Variants in SPATA12 observed in about 807,000 individuals in gnomAD.
The protein encoded by SPATA12 is spermatogenesis associated 12.
For missense variants in SPATA12, 219 were observed against 226.4 expected (o/e 0.97, Z 0.21); for synonymous variants, 85 against 89.2 (o/e 0.95, Z 0.26).
chr3:57,062,475 A>C (rs967549856), intron 1 of SPATA12, among the ~76,000 whole-genome samples: 6 of 152,164 alleles, frequency 3.9e-5, no homozygotes, highest in Non-Finnish European at 8.8e-5. Flanking sequence ...GGTGCTCAGG[A>C]GCATGGGGAA....
At chr3:57,072,934 T>C (rs1311260580) in intron 1 of SPATA12, among the ~76,000 whole-genome samples, 1 of 152,004 alleles carries the variant, frequency 6.6e-6, no homozygotes, top group Non-Finnish European at 1.5e-5. Flanking sequence ...TAATCCCAGC[T>C]ACTCGGGAGG....
intron 1 of SPATA12, among the ~76,000 whole-genome samples, chr3:57,069,841 C>T (rs4681948): frequency 0.28 from 42,290 of 151,980 alleles, 6,861 homozygotes; most frequent in East Asian, 0.48. Flanking sequence ...AATAGAGTCT[C>T]GCTTTGCTGC....
chr3:57,072,774 T>G, intron 1 of SPATA12, among the ~76,000 whole-genome samples: 1 of 149,544 alleles, frequency 6.7e-6, no homozygotes, highest in Non-Finnish European at 1.5e-5. Context: ...AAGCCAGGCG[T>G]GGTGGCTCAC....
At chr3:57,063,517 A>G (rs1468159248) in intron 1 of SPATA12, among the ~76,000 whole-genome samples, 1 of 152,158 alleles carries the variant, frequency 6.6e-6, no homozygotes, top group Non-Finnish European at 1.5e-5. Context: ...CTACAAGTAG[A>G]GTCTTTTGAC....
At chr3:57,063,029 G>A (rs1213936317) in intron 1 of SPATA12, among the ~76,000 whole-genome samples, 1 of 152,172 alleles carries the variant, frequency 6.6e-6, no homozygotes, top group Non-Finnish European at 1.5e-5. Context: ...AGCAATGAAG[G>A]CAAAGGGGAA....
Position 57,073,500 on chromosome 3 carries a change from C to T in SPATA12, c.-195C>T. ...AGATGTGAACATGGGAAAACCTCTG[C>T]AGTATCTGGGTGACTGTGGGGTTTG... On this transcript the variant is annotated 5_prime_UTR_variant, in exon 2 of 2. The change creates a premature stop within an existing upstream ORF in the 5' untranslated region. Coordinates refer to ENST00000334325, the MANE Select transcript of SPATA12 (RefSeq NM_181727.2). 3.8e-6 allele frequency: 3 copies of T among 792,770 alleles called. No homozygotes were observed. The highest frequency in any genetic ancestry group is 5.7e-6 in the Non-Finnish European group (3 of 529,358). 49.1% of individuals were successfully genotyped at this position (792,770 alleles called of 1,614,324 possible).
At chr3:57,062,732 C>T (rs1213509685) in intron 1 of SPATA12, among the ~76,000 whole-genome samples, 3 of 152,088 alleles carry the variant, frequency 2.0e-5, no homozygotes, top group Non-Finnish European at 4.4e-5. Context: ...CAAACATGCA[C>T]ACACACATAC....
At chr3:57,062,177 T>C (rs1361163599) in intron 1 of SPATA12, among the ~76,000 whole-genome samples, 2 of 135,270 alleles carry the variant, frequency 1.5e-5, no homozygotes, top group African/African-American at 2.8e-5. Context: ...AGCTCAGTCA[T>C]GTGACTAGAT....
chr3:57,064,862 A>T (rs893315530), intron 1 of SPATA12, among the ~76,000 whole-genome samples: 2 of 152,236 alleles, frequency 1.3e-5, no homozygotes, highest in African/African-American at 4.8e-5. Context: ...GATTGGTTGC[A>T]CAATAATATC....
Position 57,074,313 on chromosome 3 carries a change from T to C in SPATA12, c.*46T>C, listed in dbSNP as rs760496561. 2 of 1,555,134 alleles carry C rather than the reference T, an allele frequency of 1.3e-6. No homozygotes were observed. Among genetic ancestry groups the C allele is most frequent in the Non-Finnish European group, 8.8e-7 (1 of 1,138,064 alleles). On this transcript the variant is annotated 3_prime_UTR_variant, in exon 2 of 2. Transcript: ENST00000334325. ...TCTGAGAGTCTGGCAGCTGTTTGTC[T>C]GGGCCTTTGCACATGCTATGCCCTC...
intron 1 of SPATA12, among the ~76,000 whole-genome samples, chr3:57,062,423 CG>C (rs1705273645): frequency 6.6e-6 from 1 of 152,204 alleles, no homozygotes; most frequent in Non-Finnish European, 1.5e-5. Context: ...AGCCCCCACT[CG>C]GGCTCAGGCT....
rs1185463621 is a variant in SPATA12 at position 57,074,197 on chromosome 3, T to C, written c.503T>C (p.Phe168Ser). ...TGCSRSNQLTFTEGCFVRSLS... is the reference protein window; with the variant it reads ...TGCSRSNQLTSTEGCFVRSLS... Reference sequence around the variant, plus strand: ...TGCAGCCGTTCAAACCAACTGACATTTACTGAGGGCTGCTTTGTCAGGTCC... The same window carrying C: ...TGCAGCCGTTCAAACCAACTGACATCTACTGAGGGCTGCTTTGTCAGGTCC... The change falls in exon 2 of 2, where the codon TTT becomes TCT. Residue 168 changes from phenylalanine (F) to serine (S), a missense_variant. Transcript: ENST00000334325. The C allele has an allele frequency of 4.3e-6, 7 of 1,614,072 alleles. No homozygotes were observed. Among genetic ancestry groups the C allele is most frequent in the Non-Finnish European group, 5.9e-6 (7 of 1,180,008 alleles).
chr3:57,072,426 C>G (rs926407432), intron 1 of SPATA12, among the ~76,000 whole-genome samples: 20 of 146,248 alleles, frequency 1.4e-4, no homozygotes, highest in Middle Eastern at 3.6e-3. Flanking sequence ...TAGCACTGTC[C>G]AGGCCAAATA....
intron 1 of SPATA12, among the ~76,000 whole-genome samples, chr3:57,072,909 A>G (rs974584310): frequency 1.8e-4 from 27 of 150,994 alleles, no homozygotes; most frequent in African/African-American, 6.6e-4. Flanking sequence ...AGCAAGGCGC[A>G]GTGGCAGGCG....
rs764112308 is a variant in SPATA12 at position 57,074,132 on chromosome 3, A to T, written c.438A>T (p.Arg146Ser). Residue 146 changes from arginine (R) to serine (S), a missense_variant, in exon 2 of 2, where the codon AGA becomes AGT. Coordinates refer to ENST00000334325, the MANE Select transcript of SPATA12 (RefSeq NM_181727.2). ...AGAGGACCACAGGATGGTTGTGGAG[A>T]CTGTGTGAGGATATAGATGCCGAGC... ...DNERTTGWLW[R>S]LCEDIDAEPS... 1 of 1,613,994 alleles carries T rather than the reference A, an allele frequency of 6.2e-7. No homozygotes were observed. Among genetic ancestry groups the T allele is most frequent in the East Asian group, 2.2e-5 (1 of 44,882 alleles).
chr3:57,067,158 A>G (rs914509878), intron 1 of SPATA12, among the ~76,000 whole-genome samples: 23 of 152,222 alleles, frequency 1.5e-4, no homozygotes, highest in African/African-American at 4.3e-4. Context: ...CCCAGAAAGA[A>G]TAACATTTGT....
chr3:57,074,687 G>A lies in SPATA12; in HGVS notation c.*420G>A, dbSNP rs1286721387. On this transcript the variant is annotated 3_prime_UTR_variant, in exon 2 of 2. Transcript: ENST00000334325. ...AAGTAATTACTTTCCCTCTGGGTAA[G>A]TGCCACTAGGTGATGAGGTGAGGTA... 2 of 194,562 alleles carry A rather than the reference G, an allele frequency of 1.0e-5. No individual in the cohort carries two copies. Among genetic ancestry groups the A allele is most frequent in the Non-Finnish European group, 2.4e-5 (2 of 84,540 alleles). The allele number at this position is 194,562 out of a possible 1,614,324, so 12.1% of individuals were successfully genotyped here.
chr3:57,069,690 G>A (rs187560888), intron 1 of SPATA12, among the ~76,000 whole-genome samples: 1 of 152,210 alleles, frequency 6.6e-6, no homozygotes, highest in Non-Finnish European at 1.5e-5. Context: ...CTGTCGCCAA[G>A]CTGGAGTGCA....
chr3:57,073,428 T>G lies in SPATA12; in HGVS notation c.-267T>G. 2.5e-6 allele frequency: 1 copy of G among 399,604 alleles called. No homozygotes were observed. The highest frequency in any genetic ancestry group is 4.4e-6 in the Non-Finnish European group (1 of 227,624). The allele number at this position is 399,604 out of a possible 1,614,324, so 24.8% of individuals were successfully genotyped here. A position where few individuals can be genotyped will look rare whatever the true frequency, so the allele number is the denominator to read the frequency against. ...TGGGCAGCGTGGGAAGCTGTGAAAG[T>G]GGACAAGCGTGAAAGAGCTTCCAAG... is the stretch of plus-strand genomic sequence containing the variant. On this transcript the variant is annotated 5_prime_UTR_variant, in exon 2 of 2. Transcript: ENST00000334325.
Sources: gnomAD v4.1 joint callset for allele counts (sites outside exome capture counted in the v4.1 genomes callset) on GRCh38, gnomAD v4.1.1 for gene constraint, MANE v1.5 for transcripts, NCBI Gene and HGNC (gene_info 2026-07-23, HGNC 2026-07-21) for gene names.